XRCC5: variants seen among roughly 807,000 people sequenced by gnomAD.
The protein encoded by XRCC5 is X-ray repair cross complementing 5, also known as DNA repair protein Ku80.
In XRCC5, 12 loss-of-function variants were observed where a neutral mutation model predicts 95.7. The ratio of observed to expected loss-of-function variants is 0.13; its 90% CI spans 0.08 to 0.20. XRCC5 has a LOEUF of 0.20. Among genes scored for constraint, XRCC5 ranks in the 10% least tolerant of loss-of-function variants. The pLI, the probability that XRCC5 is intolerant of heterozygous loss-of-function variation, is 1.00. For missense variants in XRCC5, 595 were observed against 873.9 expected, an observed-to-expected ratio of 0.68 and a Z score of 4.02; for synonymous variants, 281 against 290.3, an observed-to-expected ratio of 0.97 and a Z score of 0.33.
intron 17 of XRCC5, among the ~76,000 whole-genome samples, chr2:216,191,521 C>T (rs1689612254): frequency 6.6e-6 from 1 of 152,050 alleles, no homozygotes; most frequent in South Asian, 2.1e-4. Flanking sequence ...AGCGATTCTC[C>T]TGCCTCAGCC....
At chr2:216,184,855 A>G (rs1042856444) in intron 16 of XRCC5, among the ~76,000 whole-genome samples, 33 of 152,284 alleles carry the variant, frequency 2.2e-4, no homozygotes, top group African/African-American at 7.7e-4. Flanking sequence ...TTCATAACAC[A>G]CTGTGCCCTT....
At chr2:216,130,836 C>T in intron 8 of XRCC5, 39 bp from the exon 9 acceptor site, 1 of 1,380,586 alleles carries the variant, frequency 7.2e-7, no homozygotes, top group Non-Finnish European at 1.0e-6. Context: ...GAAAATGAGG[C>T]CCCATATGCT....
Position 216,194,924 on chromosome 2 carries a change from A to G in XRCC5, c.2047A>G (p.Ile683Val). 6.2e-7 allele frequency: 1 copy of G among 1,614,154 alleles called. No homozygotes were observed. The highest frequency in any genetic ancestry group is 8.5e-7 in the Non-Finnish European group (1 of 1,179,986). ...CTCTCTGAATTACTTTTTAGATGGA[A>G]TTACTCTGATCACCAAAGAGGAAGC... ...HFWEIVVQDG[I>V]TLITKEEASG... Residue 683 changes from isoleucine to valine, a missense_variant, in exon 19 of 21, where the codon ATT becomes GTT. By Grantham distance (29) the Ile-to-Val change is conservative. This residue lies in a region of XRCC5 where 309 missense variants were observed against 382.9 expected (regional missense o/e 0.81). Transcript: ENST00000392132.
intron 7 of XRCC5, 42 bp downstream of exon 7, chr2:216,126,073 C>A: frequency 6.7e-7 from 1 of 1,499,210 alleles, no homozygotes; most frequent in Non-Finnish European, 9.3e-7. Context: ...TGTTACCAGG[C>A]AGATAAATAT....
chr2:216,158,126 T>A (rs528607583), intron 14 of XRCC5, among the ~76,000 whole-genome samples: 1 of 152,314 alleles, frequency 6.6e-6, no homozygotes, highest in South Asian at 2.1e-4. Context: ...GTTGAAGAAA[T>A]TCTTCATGTG....
At chr2:216,149,327 G>A (rs138217025) in intron 14 of XRCC5, among the ~76,000 whole-genome samples, 11 of 151,852 alleles carry the variant, frequency 7.2e-5, no homozygotes, top group African/African-American at 2.4e-4. Flanking sequence ...TGGTTCCGCC[G>A]CACCAACTGC....
intron 16 of XRCC5, among the ~76,000 whole-genome samples, chr2:216,187,821 ACTCTCT>A (rs371097633): frequency 0.05 from 2,368 of 47,608 alleles, 35 homozygotes; most frequent in South Asian, 0.063. Context: ...ACACACACAC[ACTCTCT>A]CTCTCTCTCT....
intron 17 of XRCC5, among the ~76,000 whole-genome samples, chr2:216,192,259 G>A (rs986422120): frequency 6.6e-6 from 1 of 152,210 alleles, no homozygotes; most frequent in African/African-American, 2.4e-5. Context: ...CTCCCAAAGT[G>A]CTGGGATTAC....
At chr2:216,183,041 A>G (rs971270509) in intron 16 of XRCC5, among the ~76,000 whole-genome samples, 22 of 152,192 alleles carry the variant, frequency 1.4e-4, no homozygotes, top group African/African-American at 4.3e-4. Flanking sequence ...GTTATATCAT[A>G]ATGCTCTCTT....
intron 16 of XRCC5, among the ~76,000 whole-genome samples, chr2:216,163,743 C>CA (rs1688997721): frequency 6.6e-6 from 1 of 152,196 alleles, no homozygotes; most frequent in African/African-American, 2.4e-5. Flanking sequence ...AGCTGAGCCT[C>CA]AGAGAGAGCT....
In XRCC5 at chr2:216,121,598, C is replaced by G. The variant is rs74852501; in HGVS notation, c.492-464C>G. 2.3e-3 allele frequency among the ~76,000 whole-genome samples: 344 copies of G among 152,194 alleles called. 2 individuals are homozygous for G. Among genetic ancestry groups the G allele is most frequent in the African/African-American group, 8.0e-3 (333 of 41,532 alleles). On this transcript the variant is annotated intron_variant, in intron 5 of 20. Transcript: ENST00000392132. ...CTAATTCCATTTATGAGTTCCCCAC[C>G]CTCAGGACTTCATTACCTCCTAAAG... is the stretch of plus-strand genomic sequence containing the variant.
At chr2:216,123,658 T>C (rs1239548656) in intron 6 of XRCC5, among the ~76,000 whole-genome samples, 1 of 151,992 alleles carries the variant, frequency 6.6e-6, no homozygotes, top group African/African-American at 2.4e-5. Context: ...ATAAAAAAAT[T>C]AGCTGGGCAT....
chr2:216,161,016 G>A (rs1215250453), intron 15 of XRCC5, among the ~76,000 whole-genome samples: 1 of 152,150 alleles, frequency 6.6e-6, no homozygotes, highest in African/African-American at 2.4e-5. Flanking sequence ...GTTCTAAGCA[G>A]CATTAGTGTG....
chr2:216,133,114 T>C (rs1697020402), intron 10 of XRCC5, among the ~76,000 whole-genome samples: 1 of 152,014 alleles, frequency 6.6e-6, no homozygotes, highest in South Asian at 2.1e-4. Flanking sequence ...GGAAGGTAGC[T>C]GGTTGCTGAT....
chr2:216,196,218 T>TTA (rs1359230567), intron 19 of XRCC5, among the ~76,000 whole-genome samples: 1,559 of 141,556 alleles, frequency 0.011, 23 homozygotes, highest in African/African-American at 0.038. Flanking sequence ...AGATTTTTGT[T>TTA]AAAAAAAAAA....
intron 9 of XRCC5, 71 bp downstream of exon 9, chr2:216,131,058 A>G: frequency 6.8e-7 from 1 of 1,466,552 alleles, no homozygotes; most frequent in Non-Finnish European, 9.3e-7. Context: ...TTGATTGGTC[A>G]TTTTATTTAT....
chr2:216,112,558 T>C (rs1485198008), intron 1 of XRCC5, among the ~76,000 whole-genome samples: 1 of 152,240 alleles, frequency 6.6e-6, no homozygotes, highest in African/African-American at 2.4e-5. Context: ...ATTCTAGCAG[T>C]CACTTCTTGT....
chr2:216,134,070 G>T (rs1245825528), intron 10 of XRCC5, among the ~76,000 whole-genome samples: 1 of 152,144 alleles, frequency 6.6e-6, no homozygotes, highest in Non-Finnish European at 1.5e-5. Flanking sequence ...GTCCCCACTG[G>T]ATTGTTTTCT....
At chr2:216,164,424 C>G (rs1310985555) in intron 16 of XRCC5, among the ~76,000 whole-genome samples, 2 of 152,100 alleles carry the variant, frequency 1.3e-5, no homozygotes, top group African/African-American at 2.4e-5. Flanking sequence ...TTTTAATTAC[C>G]CTGCATTAGC....
Sources: allele counts gnomAD v4.1 joint callset (sites outside exome capture counted in the v4.1 genomes callset), GRCh38; gene constraint gnomAD v4.1.1; regional missense constraint gnomAD v4.1.1; transcripts MANE v1.5; gene names NCBI Gene and HGNC (gene_info 2026-07-23, HGNC 2026-07-21).